SMC1A: variants seen among roughly 807,000 people sequenced by gnomAD.
SMC1A encodes structural maintenance of chromosomes protein 1A.
In SMC1A, 4 loss-of-function variants were observed where a neutral mutation model predicts 94.5. That is an observed-to-expected ratio of 0.04 (90% CI 0.02 to 0.10). SMC1A has a LOEUF of 0.10. Ranked by LOEUF, SMC1A falls within the 10% of genes least tolerant of loss-of-function variation. The probability of loss-of-function intolerance (pLI) is 1.00; values close to 1 mark genes in which losing one functional copy is unlikely to be tolerated. For synonymous variants in SMC1A, 345 were observed against 347.7 expected (o/e 0.99, Z 0.09); for missense variants, 304 against 989.0 (o/e 0.31, Z 9.29).
chrX:53,380,330 G>A (rs1320583462), intron 24 of SMC1A, 144 bp from the exon 25 acceptor site: 6 of 502,631 alleles, frequency 1.2e-5, no homozygotes, highest in Non-Finnish European at 2.1e-5. Flanking sequence ...GGTGTGAGAG[G>A]ATATGCTCAG....
At chrX:53,400,691 C>T (rs782595180) in intron 15 of SMC1A, among the ~76,000 whole-genome samples, 20 of 111,288 alleles carry the variant, frequency 1.8e-4, no homozygotes, top group Non-Finnish European at 3.6e-4. Context: ...TCCTCTCCAT[C>T]TCTTCAGAAA....
chrX:53,404,911 G>A, intron 13 of SMC1A, 101 bp downstream of exon 13: 2 of 979,571 alleles, frequency 2.0e-6, no homozygotes, highest in African/African-American at 3.8e-5. Context: ...GGCAGGCTGG[G>A]AGGAGACGGG....
chrX:53,415,229 A>C (rs2075727377), intron 1 of SMC1A, 60 bp from the exon 2 acceptor site: 1 of 1,003,297 alleles, frequency 1.0e-6, no homozygotes, highest in African/African-American at 1.9e-5. Flanking sequence ...GAGGAAAAGG[A>C]ATAAAGATAT....
In SMC1A at chrX:53,415,071, C is replaced by A; in HGVS notation, c.208G>T (p.Val70Leu). The A allele has an allele frequency of 1.7e-6, 2 of 1,211,476 alleles. No individual in the cohort carries two copies. The highest frequency in any genetic ancestry group is 2.2e-6 in the Non-Finnish European group (2 of 895,358). ...TLRDLIHGAP[V>L]GKPAANRAFV... ...GCCCGGTTGGCAGCTGGCTTGCCCA[C>A]AGGAGCTCCATGGATCAGGTCCCGC... The change falls in exon 2 of 25, where the codon GTG (valine) becomes TTG (leucine). Residue 70 changes from valine to leucine, a missense_variant. Physicochemically the swap from Val to Leu is conservative, Grantham distance 32. This residue lies in a region of SMC1A where 8 missense variants were observed against 58.2 expected (regional missense o/e 0.14). Transcript: ENST00000322213.
intron 16 of SMC1A, 143 bp downstream of exon 16, chrX:53,399,446 T>A (rs965176513): frequency 1.8e-6 from 1 of 545,341 alleles, no homozygotes; most frequent in Non-Finnish European, 3.0e-6. Context: ...ATTTATCCAT[T>A]TTTCCCGTTT....
chrX:53,399,549 C>A, intron 16 of SMC1A, 40 bp downstream of exon 16: 1 of 1,166,161 alleles, frequency 8.6e-7, no homozygotes, highest in South Asian at 1.8e-5. Flanking sequence ...CATTTTTCCT[C>A]CCAGTTATTA....
intron 22 of SMC1A, 45 bp from the exon 23 acceptor site, chrX:53,381,132 G>T: frequency 1.2e-6 from 1 of 809,631 alleles, no homozygotes; most frequent in Non-Finnish European, 1.9e-6. Flanking sequence ...GCGGGGAGGG[G>T]GTGGCAAGGC....
intron 15 of SMC1A, among the ~76,000 whole-genome samples, chrX:53,402,885 A>AAAAAAAG (rs1447321369): frequency 1.1e-5 from 1 of 86,972 alleles, no homozygotes; most frequent in African/African-American, 4.5e-5. Context: ...AAAAAAAAAA[A>AAAAAAAG]GGGCCGGCAA....
chrX:53,416,242 G>A lies in SMC1A; in HGVS notation c.110-1073C>T, dbSNP rs1365844185. On this transcript the variant is annotated intron_variant, in intron 1 of 24. Coordinates refer to ENST00000322213, the MANE Select transcript of SMC1A (RefSeq NM_006306.4). ...CGCTTGAACCTGGGAGGTGGAGGCT[G>A]CAGTGAGCCAAGATCGTGCCACTGC... Among the ~76,000 whole-genome samples the A allele has an allele frequency of 1.9e-3, 196 of 103,875 alleles. 1 individual carries two copies. The highest frequency in any genetic ancestry group is 6.6e-3 in the African/African-American group (188 of 28,550). 90.2% of individuals were successfully genotyped at this position (103,875 alleles called of 115,157 possible).
At chrX:53,408,712 C>T (rs2075699813) in intron 9 of SMC1A, among the ~76,000 whole-genome samples, 1 of 110,397 alleles carries the variant, frequency 9.1e-6, no homozygotes, top group African/African-American at 3.3e-5. Context: ...GCCCCACCTG[C>T]TTCCAAAATC....
At chrX:53,399,764 A>G (rs782402461) in intron 15 of SMC1A, 34 bp from the exon 16 acceptor site, 3 of 1,181,860 alleles carry the variant, frequency 2.5e-6, no homozygotes, top group African/African-American at 3.5e-5. Flanking sequence ...ATCACTCATA[A>G]TCTCATCAGC....
At chrX:53,394,471 C>A (rs1291443942) in intron 19 of SMC1A, among the ~76,000 whole-genome samples, 3 of 111,496 alleles carry the variant, frequency 2.7e-5, no homozygotes, top group Non-Finnish European at 3.8e-5. Context: ...GTACTGAAGT[C>A]TCTTCTCTGT....
intron 1 of SMC1A, among the ~76,000 whole-genome samples, chrX:53,415,802 C>T: frequency 1.0e-5 from 1 of 95,943 alleles, no homozygotes; most frequent in South Asian, 4.9e-4. Flanking sequence ...CACTGCACTC[C>T]AGCCTGGGTG....
At chrX:53,402,362 G>A (rs1556889017) in intron 15 of SMC1A, among the ~76,000 whole-genome samples, 6 of 110,612 alleles carry the variant, frequency 5.4e-5, no homozygotes, top group Non-Finnish European at 1.9e-5. Context: ...ACAAAGGTTT[G>A]TTGAATGAAT....
At chrX:53,390,597 T>A (rs1234241968) in intron 19 of SMC1A, among the ~76,000 whole-genome samples, 1 of 110,677 alleles carries the variant, frequency 9.0e-6, no homozygotes, top group Non-Finnish European at 1.9e-5. Flanking sequence ...GTATTTTACT[T>A]TTGCATATAA....
intron 16 of SMC1A, among the ~76,000 whole-genome samples, chrX:53,398,102 G>A (rs191450279): frequency 2.9e-5 from 3 of 105,024 alleles, no homozygotes; most frequent in South Asian, 4.4e-4. Context: ...AGGAGTTATC[G>A]CTTGAACCTG....
rs2075561538 is a variant in SMC1A, at chrX:53,376,851, G to T, written c.*3252C>A. 8.9e-6 allele frequency: 1 copy of T among 112,031 alleles called. No individual in the cohort carries two copies. The highest frequency in any genetic ancestry group is 3.7e-4 in the South Asian group (1 of 2,684). The allele number at this position is 112,031 out of a possible 1,213,427, so 9.2% of individuals were successfully genotyped here. A position where few individuals can be genotyped will look rare whatever the true frequency, so the allele number is the denominator to read the frequency against. ...TAAACAGTGAGCTCCTCAAAGGCAGGATAAAGATTTGACTCATCTTTGTGT... is the reference window on the plus strand; with the variant it reads ...TAAACAGTGAGCTCCTCAAAGGCAGTATAAAGATTTGACTCATCTTTGTGT... On this transcript the variant is annotated 3_prime_UTR_variant, in exon 25 of 25. Transcript: ENST00000322213.
intron 15 of SMC1A, among the ~76,000 whole-genome samples, chrX:53,403,067 T>C (rs1204867474): frequency 1.0e-5 from 1 of 97,905 alleles, no homozygotes; most frequent in Non-Finnish European, 2.0e-5. Context: ...CAAACATCTG[T>C]AGTCCTAGCT....
chrX:53,421,474 A>C (rs1474604708), intron 1 of SMC1A, among the ~76,000 whole-genome samples: 4 of 112,261 alleles, frequency 3.6e-5, no homozygotes, highest in East Asian at 2.8e-4. Context: ...TTAGGCTAGG[A>C]TATCATTCAG....
Sources: gnomAD v4.1 joint callset for allele counts (sites outside exome capture counted in the v4.1 genomes callset) on GRCh38, gnomAD v4.1.1 for gene constraint, gnomAD v4.1.1 regional missense constraint, MANE v1.5 for transcripts, NCBI Gene and HGNC (gene_info 2026-07-23, HGNC 2026-07-21) for gene names.